The following LPIN2 variants were observed in gnomAD, a reference collection of about 807,000 sequenced individuals.
The protein encoded by LPIN2 is phosphatidate phosphatase LPIN2.
A neutral mutation model predicts 111.4 loss-of-function variants in LPIN2; 55 were observed. The ratio of observed to expected loss-of-function variants is 0.49; its 90% CI spans 0.40 to 0.62. The LOEUF is 0.62. Among genes scored for constraint, LPIN2 ranks in the 20% least tolerant of loss-of-function variants. LPIN2 has a pLI of 0.00. For missense variants in LPIN2, 992 were observed against 1,112.1 expected, an observed-to-expected ratio of 0.89 and a Z score of 1.54; for synonymous variants, 425 against 414.0, an observed-to-expected ratio of 1.03 and a Z score of -0.32.
chr18:2,964,552 A>T (rs1242550276), intron 1 of LPIN2, among the ~76,000 whole-genome samples: 1 of 152,198 alleles, frequency 6.6e-6, no homozygotes, highest in African/African-American at 2.4e-5. Flanking sequence ...TACAGCAAGA[A>T]GTCTGCAAAC....
chr18:2,921,403 C>T (rs773208297), intron 18 of LPIN2, 130 bp downstream of exon 18: 10 of 750,346 alleles, frequency 1.3e-5, no homozygotes, highest in African/African-American at 6.9e-5. Flanking sequence ...AAGTGAAAAC[C>T]GAACAAGCAG....
intron 1 of LPIN2, among the ~76,000 whole-genome samples, chr18:2,994,303 G>A (rs2078308269): frequency 2.0e-5 from 3 of 152,164 alleles, no homozygotes; most frequent in African/African-American, 7.2e-5. Context: ...TTAGCTAAAG[G>A]AACAGGTGGT....
intron 15 of LPIN2, among the ~76,000 whole-genome samples, 158 bp from the exon 16 acceptor site, chr18:2,924,019 G>A (rs2077094771): frequency 6.6e-6 from 1 of 152,196 alleles, no homozygotes; most frequent in Admixed American, 6.5e-5. Flanking sequence ...GCCATCCCAT[G>A]CAAACGCACC....
chr18:2,968,275 C>T (rs1339644310), intron 1 of LPIN2, among the ~76,000 whole-genome samples: 1 of 152,126 alleles, frequency 6.6e-6, no homozygotes, highest in Non-Finnish European at 1.5e-5. Flanking sequence ...AGAAGCCTTA[C>T]CCGGGAAAGG....
intron 1 of LPIN2, among the ~76,000 whole-genome samples, chr18:2,987,645 T>C (rs111762464): frequency 1.1e-3 from 161 of 152,318 alleles, no homozygotes; most frequent in African/African-American, 3.5e-3. Context: ...AATTATTCTG[T>C]TGCTGTGATC....
At chr18:2,934,233 A>G in intron 8 of LPIN2, 118 bp downstream of exon 8, 1 of 736,282 alleles carries the variant, frequency 1.4e-6, no homozygotes, top group Non-Finnish European at 2.3e-6. Context: ...TGAAGCCATC[A>G]TCAGATTTAG....
chr18:2,947,911 G>A (rs2077479283), intron 4 of LPIN2, among the ~76,000 whole-genome samples: 1 of 152,140 alleles, frequency 6.6e-6, no homozygotes, highest in Admixed American at 6.5e-5. Context: ...TCTAGGTGCT[G>A]AGCTGAAAGG....
intron 2 of LPIN2, among the ~76,000 whole-genome samples, chr18:2,956,658 G>A (rs2077621509): frequency 6.6e-6 from 1 of 152,136 alleles, no homozygotes; most frequent in Admixed American, 6.5e-5. Flanking sequence ...CATTTTTGGA[G>A]GCTATCCATT....
intron 5 of LPIN2, among the ~76,000 whole-genome samples, chr18:2,940,192 T>C (rs978803663): frequency 1.1e-4 from 16 of 152,134 alleles, no homozygotes; most frequent in Non-Finnish European, 2.9e-5. Flanking sequence ...CTGAGCACAG[T>C]GGTGCGTGCC....
intron 16 of LPIN2, 32 bp from the exon 17 acceptor site, chr18:2,922,231 G>A (rs1238534501): frequency 1.2e-6 from 2 of 1,610,152 alleles, no homozygotes; most frequent in South Asian, 1.1e-5. Flanking sequence ...TAGCCCACAT[G>A]TTCTGGCTAA....
At chr18:2,990,889 C>T (rs986149853) in intron 1 of LPIN2, 2 of 532,476 alleles carry the variant, frequency 3.8e-6, no homozygotes, top group Non-Finnish European at 7.4e-6. Context: ...CTTCTGGGTC[C>T]TCCTCATCCT....
rs749438168 is a variant in LPIN2 at position 2,929,087 on chromosome 18, G to C, written c.1528C>G (p.Leu510Val). The change falls in exon 10 of 20, where the codon CTT (leucine) becomes GTT (valine). Residue 510 changes from leucine to valine, a missense_variant. Physicochemically the swap from Leu to Val is conservative, Grantham distance 32. Coordinates refer to ENST00000677752, the MANE Select transcript of LPIN2 (RefSeq NM_001375808.2). The stretch of plus-strand genomic sequence containing the variant: ...TACCGATTATATATCCTTATTACAA[G>C]GTTAGGATTGTCTATAAGTCCAGGG... Reference protein sequence around the residue: ...ENPGLIDNPNLVIRIYNRYYN... With the variant: ...ENPGLIDNPNVVIRIYNRYYN... The C allele has an allele frequency of 6.3e-7, 1 of 1,594,770 alleles. No individual in the cohort carries two copies. The highest frequency in any genetic ancestry group is 1.7e-5 in the Admixed American group (1 of 59,980).
At chr18:3,011,378 G>C (rs538714828) in intron 1 of LPIN2, among the ~76,000 whole-genome samples, 6 of 151,958 alleles carry the variant, frequency 3.9e-5, no homozygotes, top group Admixed American at 3.3e-4. Flanking sequence ...TCTATCAAAA[G>C]TTGGGCATGG....
rs77933088 is a variant in LPIN2 at position 2,956,350 on chromosome 18, G to A, written c.193-1751C>T. Among the ~76,000 whole-genome samples, 1,299 of 151,308 alleles carry A rather than the reference G, an allele frequency of 8.6e-3. 14 individuals carry two copies. The highest frequency in any genetic ancestry group is 0.026 in the African/African-American group (1,068 of 41,204). ...TGTGTGTGTGTGTGTGTGTGTACAC[G>A]TGCACACATCCACCCATTTCCTGGC... On this transcript the variant is annotated intron_variant, in intron 2 of 19. Coordinates refer to ENST00000677752, the MANE Select transcript of LPIN2 (RefSeq NM_001375808.2).
chr18:2,969,979 A>G (rs1030227764), intron 1 of LPIN2, among the ~76,000 whole-genome samples: 4 of 152,232 alleles, frequency 2.6e-5, no homozygotes, highest in African/African-American at 7.2e-5. Flanking sequence ...AGAATTTTAG[A>G]CATTTTAATG....
rs1273606247 is a variant in LPIN2, at chr18:2,951,303, G to A, written c.342C>T (p.Phe114=). ...CCAAAGGGGTGTCAATATCTTTAAA[G>A]AACTGATCTTCAGTAGGAATTGGTG... ...ATSPIPTEDQ[F]FKDIDTPLVK... Residue 114 remains phenylalanine (F), a synonymous_variant, in exon 4 of 20, where the codon TTC becomes TTT. Coordinates refer to ENST00000677752, the MANE Select transcript of LPIN2 (RefSeq NM_001375808.2). The A allele has an allele frequency of 6.2e-7, 1 of 1,614,126 alleles. No individual in the cohort carries two copies. Among genetic ancestry groups the A allele is most frequent in the South Asian group, 1.1e-5 (1 of 91,078 alleles).
rs2144150005 is a variant in LPIN2 at position 2,928,969 on chromosome 18, T to A, written c.1550+96A>T. The A allele has an allele frequency of 1.3e-5, 11 of 857,604 alleles. No homozygotes were observed. In the South Asian group the frequency reaches 1.5e-4, roughly 12 times the overall value. The allele number at this position is 857,604 out of a possible 1,614,324, so 53.1% of individuals were successfully genotyped here. ...GCTAATTTATATGAGATGACAAGTT[T>A]TATAAGAAGGAACACTTTTATAAGT... is the stretch of plus-strand genomic sequence containing the variant. On this transcript the variant is annotated intron_variant, in intron 10 of 19. Transcript: ENST00000677752.
At position 2,917,255 on chromosome 18, in the gene LPIN2, C is replaced by T. The variant is rs1224307551; in HGVS notation, c.*3038G>A. On this transcript the variant is annotated 3_prime_UTR_variant, in exon 20 of 20. Coordinates refer to ENST00000677752, the MANE Select transcript of LPIN2 (RefSeq NM_001375808.2). ...TCCCTTTCTTACTTTCAAACAAAAC[C>T]AAAAGAGTAGTTTTCATCTGGAAAG... 6.6e-6 allele frequency: 1 copy of T among 152,128 alleles called. No individual in the cohort carries two copies. The highest frequency in any genetic ancestry group is 1.9e-4 in the East Asian group (1 of 5,196). The allele number at this position is 152,128 out of a possible 1,614,324, so 9.4% of individuals were successfully genotyped here.
intron 1 of LPIN2, among the ~76,000 whole-genome samples, chr18:2,964,377 A>G (rs1453482500): frequency 6.7e-6 from 1 of 149,712 alleles, no homozygotes; most frequent in Non-Finnish European, 1.5e-5. Flanking sequence ...AAATTCATAT[A>G]TTGAAGCCCT....
Sources: allele counts gnomAD v4.1 joint callset (sites outside exome capture counted in the v4.1 genomes callset), GRCh38; gene constraint gnomAD v4.1.1; transcripts MANE v1.5; gene names NCBI Gene and HGNC (gene_info 2026-07-23, HGNC 2026-07-21).